PSMF1: variants seen among roughly 807,000 people sequenced by gnomAD.
The protein encoded by PSMF1 is proteasome inhibitor PI31 subunit.
A neutral mutation model predicts 29.3 loss-of-function variants in PSMF1; 30 were observed. The observed-to-expected ratio is 1.02, with a 90% confidence interval of 0.77 to 1.39. The LOEUF (loss-of-function observed/expected upper bound fraction) is 1.39, where lower values mean the gene tolerates loss of function less well. PSMF1 is among the 40% of genes most tolerant of loss of function. The probability of loss-of-function intolerance (pLI) is 0.00; values close to 1 mark genes in which losing one functional copy is unlikely to be tolerated. For synonymous variants in PSMF1, 134 were observed against 139.7 expected, an observed-to-expected ratio of 0.96 and a Z score of 0.29; for missense variants, 344 against 357.5, an observed-to-expected ratio of 0.96 and a Z score of 0.31.
chr20:1,119,826 A>G (rs796652299), intron 1 of PSMF1, among the ~76,000 whole-genome samples: 1 of 151,964 alleles, frequency 6.6e-6, no homozygotes, highest in East Asian at 1.9e-4. Context: ...CCTGCCCCTC[A>G]CTGTCACTGT....
intron 4 of PSMF1, among the ~76,000 whole-genome samples, chr20:1,142,932 A>G (rs138272511): frequency 6.6e-6 from 1 of 152,352 alleles, no homozygotes; most frequent in East Asian, 1.9e-4. Flanking sequence ...TCCAGCAGGT[A>G]TAATTCTAAC....
intron 4 of PSMF1, among the ~76,000 whole-genome samples, chr20:1,159,547 T>C (rs894711894): frequency 3.9e-5 from 6 of 152,206 alleles, no homozygotes; most frequent in African/African-American, 1.4e-4. Flanking sequence ...ATAGAGATGG[T>C]TGCATATTTC....
At chr20:1,118,580 G>A, upstream of PSMF1, 1 of 588,598 alleles carries the variant, frequency 1.7e-6, no homozygotes, top group Non-Finnish European at 2.7e-6. Flanking sequence ...ACGCAGTTGC[G>A]CCCGCTGTTG....
At chr20:1,160,859 A>G in intron 4 of PSMF1, 4 of 460,122 alleles carry the variant, frequency 8.7e-6, no homozygotes, top group Non-Finnish European at 1.8e-5. Context: ...CCCTACAACA[A>G]GCTGCATGTG....
At chr20:1,127,768 G>A (rs183879770) in intron 3 of PSMF1, among the ~76,000 whole-genome samples, 3 of 152,224 alleles carry the variant, frequency 2.0e-5, no homozygotes, top group African/African-American at 4.8e-5. Context: ...GGTGGAGCCC[G>A]GGCAACTCAT....
chr20:1,138,079 T>A (rs895949879), intron 4 of PSMF1, among the ~76,000 whole-genome samples: 1 of 152,218 alleles, frequency 6.6e-6, no homozygotes, highest in African/African-American at 2.4e-5. Flanking sequence ...TTTTTATTAA[T>A]ACCAGTTCTT....
At chr20:1,145,118 T>C (rs887724050) in intron 4 of PSMF1, among the ~76,000 whole-genome samples, 3 of 152,202 alleles carry the variant, frequency 2.0e-5, no homozygotes, top group African/African-American at 7.2e-5. Context: ...AATCCTGCCC[T>C]CAAGTGATCT....
At position 1,121,160 on chromosome 20, in the gene PSMF1, A is replaced by G. The variant is rs373317319; in HGVS notation, c.129+2258A>G. 1.8e-4 allele frequency among the ~76,000 whole-genome samples: 28 copies of G among 152,076 alleles called. No homozygotes were observed. The East Asian group carries it at 2.3e-3, about 13-fold the overall frequency. On this transcript the variant is annotated intron_variant, in intron 1 of 6. Coordinates refer to ENST00000335877, the MANE Select transcript of PSMF1 (RefSeq NM_006814.5). ...TTTTTTTTAAAAAGGTCCTTGACCA[A>G]TTCCCCAAGGTCCATCTAATTTTTC...
At position 1,135,026 on chromosome 20, in the gene PSMF1, C is replaced by T. The variant is rs770696649; in HGVS notation, c.366-95C>T. 6.2e-6 allele frequency: 8 copies of T among 1,284,178 alleles called. No individual in the cohort carries two copies. In the East Asian group the frequency reaches 1.4e-4, roughly 22 times the overall value. The allele number at this position is 1,284,178 out of a possible 1,614,324, so 79.5% of individuals were successfully genotyped here. On this transcript the variant is annotated intron_variant, in intron 3 of 6. Transcript: ENST00000335877. ...GGCCAAGCGCAATGCCAGGAGCTAT[C>T]AGGGCCGCCGCCGCCGCCGTCGTTG...
upstream of PSMF1, chr20:1,117,812 T>C (rs1368006705): frequency 6.6e-6 from 1 of 152,210 alleles, no homozygotes; most frequent in Non-Finnish European, 1.5e-5. Flanking sequence ...TAAATTTATT[T>C]GGGTAAAAAC....
chr20:1,149,382 T>C (rs766363885), intron 4 of PSMF1, among the ~76,000 whole-genome samples: 3 of 152,220 alleles, frequency 2.0e-5, no homozygotes, highest in Non-Finnish European at 4.4e-5. Flanking sequence ...AATACTATTG[T>C]AGAAGATCGT....
rs1450977044 is a variant in PSMF1 at position 1,119,006 on chromosome 20, G to T, written c.129+104G>T. On this transcript the variant is annotated intron_variant, in intron 1 of 6. Transcript: ENST00000335877. ...GCGCCCGATTTCCCCGCTTCTCCCA[G>T]TGCAGGGTCTGGGGCAGATGGCAGC... 1.1e-5 allele frequency: 16 copies of T among 1,470,968 alleles called. No homozygotes were observed. In the East Asian group the frequency reaches 2.7e-4, roughly 25 times the overall value. The allele number at this position is 1,470,968 out of a possible 1,614,324, so 91.1% of individuals were successfully genotyped here.
intron 4 of PSMF1, among the ~76,000 whole-genome samples, chr20:1,146,290 ATT>A (rs763193159): frequency 2.8e-5 from 4 of 143,228 alleles, no homozygotes; most frequent in Non-Finnish European, 3.1e-5. Context: ...TACGTAACAG[ATT>A]TTTTTTTTTT....
intron 4 of PSMF1, among the ~76,000 whole-genome samples, chr20:1,155,999 T>C (rs1244310374): frequency 6.6e-6 from 1 of 152,214 alleles, no homozygotes; most frequent in African/African-American, 2.4e-5. Context: ...GTGGCTATTA[T>C]GAAAATGCTC....
chr20:1,126,782 G>A (rs2086162200), intron 2 of PSMF1, among the ~76,000 whole-genome samples: 1 of 152,170 alleles, frequency 6.6e-6, no homozygotes, highest in Non-Finnish European at 1.5e-5. Flanking sequence ...GGGAGGCTGA[G>A]GCAGGAGCAT....
intron 4 of PSMF1, among the ~76,000 whole-genome samples, chr20:1,160,117 C>T (rs187970611): frequency 1.5e-3 from 221 of 152,040 alleles, no homozygotes; most frequent in Admixed American, 3.0e-3. Flanking sequence ...AAAGAAAGCC[C>T]TCACCACCCA....
At position 1,169,552 on chromosome 20, in the gene PSMF1, G is replaced by A. The variant is rs1358908008; in HGVS notation, c.*4472G>A. ...AGGATGCTGCTGACGCATTAGTCCTGGGATTCAGCTGCAGTAAACAGAAAT... is the reference window on the plus strand; with the variant it reads ...AGGATGCTGCTGACGCATTAGTCCTAGGATTCAGCTGCAGTAAACAGAAAT... On this transcript the variant is annotated 3_prime_UTR_variant, in exon 7 of 7. Transcript: ENST00000335877. Among the ~76,000 whole-genome samples, 2 of 152,130 alleles carry A rather than the reference G, an allele frequency of 1.3e-5. No individual in the cohort carries two copies. Among genetic ancestry groups the A allele is most frequent in the Admixed American group, 6.5e-5 (1 of 15,280 alleles).
intron 3 of PSMF1, among the ~76,000 whole-genome samples, chr20:1,132,565 G>T (rs1468670269): frequency 6.6e-6 from 1 of 151,944 alleles, no homozygotes; most frequent in Admixed American, 6.6e-5. Flanking sequence ...GTGAGCCACC[G>T]CACCTGGCCT....
At position 1,165,245 on chromosome 20, in the gene PSMF1, C is replaced by T. The variant is rs879845824; in HGVS notation, c.*165C>T. Reference sequence around the variant, plus strand: ...CCCACCCCTTATCAGAGCCAAGACACCTGCTGCAGCTCTCCACCTAGCTGC... The same window carrying T: ...CCCACCCCTTATCAGAGCCAAGACATCTGCTGCAGCTCTCCACCTAGCTGC... On this transcript the variant is annotated 3_prime_UTR_variant, in exon 7 of 7. Transcript: ENST00000335877. 4 of 1,432,610 alleles carry T rather than the reference C, an allele frequency of 2.8e-6. No individual in the cohort carries two copies. Among genetic ancestry groups the T allele is most frequent in the Non-Finnish European group, 3.7e-6 (4 of 1,094,984 alleles). 88.7% of individuals were successfully genotyped at this position (1,432,610 alleles called of 1,614,324 possible).
Sources: gnomAD v4.1 joint callset for allele counts (sites outside exome capture counted in the v4.1 genomes callset) on GRCh38, gnomAD v4.1.1 for gene constraint, MANE v1.5 for transcripts, NCBI Gene and HGNC (gene_info 2026-07-23, HGNC 2026-07-21) for gene names.